The following PDGFRA variants were observed in gnomAD, a reference collection of about 807,000 sequenced individuals.
The protein encoded by PDGFRA is platelet-derived growth factor receptor alpha.
Under a neutral mutation model 121.5 loss-of-function variants are expected in PDGFRA, and 25 were observed. That is an observed-to-expected ratio of 0.21 (90% CI 0.15 to 0.29). The LOEUF (loss-of-function observed/expected upper bound fraction) is 0.29. Among genes scored for constraint, PDGFRA ranks in the 10% least tolerant of loss-of-function variants. The pLI, the probability that PDGFRA is intolerant of heterozygous loss-of-function variation, is 1.00. For missense variants in PDGFRA, 1,008 were observed against 1,345.1 expected, an observed-to-expected ratio of 0.75 and a Z score of 3.92; for synonymous variants, 463 against 494.8, an observed-to-expected ratio of 0.94 and a Z score of 0.85.
At chr4:54,270,820 T>C (rs1373597214) in intron 8 of PDGFRA, 72 bp downstream of exon 8, 5 of 860,790 alleles carry the variant, frequency 5.8e-6, no homozygotes, top group Non-Finnish European at 9.9e-6. Flanking sequence ...CTGGCACTTT[T>C]CTCCCCGGTC....
intron 1 of PDGFRA, among the ~76,000 whole-genome samples, chr4:54,240,438 CT>C: frequency 6.6e-6 from 1 of 152,306 alleles, no homozygotes; most frequent in Non-Finnish European, 1.5e-5. Flanking sequence ...ATACTCTGGG[CT>C]TTTCGGCATT....
intron 3 of PDGFRA, among the ~76,000 whole-genome samples, chr4:54,263,367 C>T (rs1423825923): frequency 6.6e-6 from 1 of 152,132 alleles, no homozygotes; most frequent in East Asian, 1.9e-4. Flanking sequence ...ACAAGCAACC[C>T]TCCCACCTTG....
intron 1 of PDGFRA, among the ~76,000 whole-genome samples, chr4:54,241,142 C>T (rs1010925527): frequency 6.6e-6 from 1 of 152,070 alleles, no homozygotes; most frequent in Admixed American, 6.5e-5. Flanking sequence ...AAGATATGCT[C>T]TTAGTGAAAA....
At chr4:54,292,385 G>A (rs1724673904) in intron 22 of PDGFRA, among the ~76,000 whole-genome samples, 1 of 152,214 alleles carries the variant, frequency 6.6e-6, no homozygotes, top group African/African-American at 2.4e-5. Context: ...GGATGGAGCT[G>A]GAAGCCGTTA....
At chr4:54,233,229 C>A (rs901885725) in intron 1 of PDGFRA, among the ~76,000 whole-genome samples, 27 of 152,242 alleles carry the variant, frequency 1.8e-4, no homozygotes, top group Non-Finnish European at 3.4e-4. Context: ...TCGCCGCCAA[C>A]CCCGGGACAA....
At chr4:54,248,000 C>A (rs1721796866) in intron 1 of PDGFRA, among the ~76,000 whole-genome samples, 2 of 152,252 alleles carry the variant, frequency 1.3e-5, no homozygotes, top group African/African-American at 4.8e-5. Context: ...ACCTAGGAAT[C>A]CAACTTACAA....
chr4:54,276,489 A>G (rs1023368972), intron 12 of PDGFRA, among the ~76,000 whole-genome samples: 2 of 152,150 alleles, frequency 1.3e-5, no homozygotes, highest in East Asian at 1.9e-4. Flanking sequence ...CTGCCCCCCA[A>G]TTTCAAATAT....
At chr4:54,233,496 G>T (rs1720821542) in intron 1 of PDGFRA, among the ~76,000 whole-genome samples, 1 of 152,224 alleles carries the variant, frequency 6.6e-6, no homozygotes, top group Non-Finnish European at 1.5e-5. Context: ...GACGCATCCC[G>T]CTTTCCCCAG....
chr4:54,261,954 G>A (rs1441053998), intron 3 of PDGFRA, among the ~76,000 whole-genome samples: 6 of 121,194 alleles, frequency 5.0e-5, no homozygotes, highest in Non-Finnish European at 9.7e-5. Context: ...TTGGTAACAG[G>A]GTCTCACTCT....
At position 54,292,465 on chromosome 4, in the gene PDGFRA, C is replaced by A. The variant is rs186461008; in HGVS notation, c.3122+1911C>A. Among the ~76,000 whole-genome samples the A allele has an allele frequency of 2.7e-3, 413 of 151,302 alleles. 2 individuals are homozygous for A. Among genetic ancestry groups the A allele is most frequent in the Admixed American group, 6.6e-3 (101 of 15,210 alleles). On this transcript the variant is annotated intron_variant, in intron 22 of 22. Transcript: ENST00000257290. ...TTCTCACTTATAAGTGGGAGCTGAA[C>A]GATGAGGACACATGGACACATGGAG...
Position 54,256,581 on chromosome 4 carries a change from G to C in PDGFRA, c.-12-2176G>C, listed in dbSNP as rs142561366. ...TTTTTTTGAAATGGAATCTCAGTCT[G>C]TCGCCCACACTGGAGTGCAATGGTG... On this transcript the variant is annotated intron_variant, in intron 1 of 22. Transcript: ENST00000257290. Among the ~76,000 whole-genome samples the C allele has an allele frequency of 4.7e-3, 700 of 150,066 alleles. 7 individuals carry two copies. The highest frequency in any genetic ancestry group is 0.017 in the African/African-American group (685 of 40,496).
At chr4:54,255,882 CCAAAGTCAGTGATGGAA>C (rs1378055291) in intron 1 of PDGFRA, among the ~76,000 whole-genome samples, 1 of 152,110 alleles carries the variant, frequency 6.6e-6, no homozygotes, top group Non-Finnish European at 1.5e-5. Context: ...ATTTTAGCTT[CCAAAGTCAGTGATGGAA>C]CAAATTGAGT....
intron 1 of PDGFRA, among the ~76,000 whole-genome samples, chr4:54,233,005 C>T (rs1720774912): frequency 6.6e-6 from 1 of 152,136 alleles, no homozygotes; most frequent in Middle Eastern, 3.2e-3. Context: ...GCTCCTGTAA[C>T]CCTAAACCCC....
intron 3 of PDGFRA, among the ~76,000 whole-genome samples, chr4:54,262,572 T>C (rs1440247998): frequency 6.6e-6 from 1 of 152,210 alleles, no homozygotes. Flanking sequence ...CAGTTTTTAA[T>C]GGGCTCCTCT....
chr4:54,291,549 A>G (rs7675227), intron 22 of PDGFRA, among the ~76,000 whole-genome samples: 4,993 of 152,286 alleles, frequency 0.033, 263 homozygotes, highest in African/African-American at 0.11. Flanking sequence ...ACTGATCACT[A>G]GAGAAATGCA....
At chr4:54,276,742 G>A (rs1402432435) in intron 12 of PDGFRA, 1 of 153,260 alleles carries the variant, frequency 6.5e-6, no homozygotes, top group East Asian at 1.9e-4. Flanking sequence ...TATCCGTGGT[G>A]AGACTGACAC....
chr4:54,272,725 C>T (rs1001063156), intron 9 of PDGFRA, among the ~76,000 whole-genome samples: 2 of 152,114 alleles, frequency 1.3e-5, no homozygotes, highest in Admixed American at 1.3e-4. Flanking sequence ...AATCTAAAAA[C>T]AAGAGTGAAT....
chr4:54,256,626 C>T (rs1722388342), intron 1 of PDGFRA, among the ~76,000 whole-genome samples: 1 of 151,764 alleles, frequency 6.6e-6, no homozygotes, highest in Non-Finnish European at 1.5e-5. Flanking sequence ...CTCACTGCAG[C>T]CTCTGCCTCC....
intron 1 of PDGFRA, among the ~76,000 whole-genome samples, chr4:54,246,199 G>A (rs935583581): frequency 2.6e-4 from 40 of 152,242 alleles, no homozygotes; most frequent in African/African-American, 9.4e-4. Context: ...ATTGAACTCA[G>A]CTCTGCACCA....
Sources: allele counts gnomAD v4.1 joint callset (sites outside exome capture counted in the v4.1 genomes callset), GRCh38; gene constraint gnomAD v4.1.1; transcripts MANE v1.5; gene names NCBI Gene and HGNC (gene_info 2026-07-23, HGNC 2026-07-21).